NCKAP5: variants seen among roughly 807,000 people sequenced by gnomAD.
NCKAP5 encodes nck-associated protein 5.
Under a neutral mutation model 167.0 loss-of-function variants are expected in NCKAP5, and 92 were observed. The observed-to-expected ratio is 0.55, with a 90% CI of 0.47 to 0.66. The LOEUF (loss-of-function observed/expected upper bound fraction) is 0.66, where lower values mean the gene tolerates loss of function less well. Among genes scored for constraint, NCKAP5 ranks in the 30% least tolerant of loss-of-function variants. NCKAP5 has a pLI of 0.00. For synonymous variants in NCKAP5, 891 were observed against 877.4 expected, an observed-to-expected ratio of 1.02 and a Z score of -0.27; for missense variants, 2,378 against 2,315.0, an observed-to-expected ratio of 1.03 and a Z score of -0.56.
At chr2:133,453,539 A>C (rs562951489) in intron 3 of NCKAP5, among the ~76,000 whole-genome samples, 2 of 152,138 alleles carry the variant, frequency 1.3e-5, no homozygotes, top group Admixed American at 6.6e-5. Context: ...GGCAAAAAAA[A>C]GGAAAGAGAA....
At chr2:133,046,140 G>T (rs2079392476) in intron 6 of NCKAP5, among the ~76,000 whole-genome samples, 1 of 152,034 alleles carries the variant, frequency 6.6e-6, no homozygotes, top group Non-Finnish European at 1.5e-5. Context: ...AATATTTTTG[G>T]ACCATGGTTG....
chr2:132,812,695 G>C (rs1450550446), intron 11 of NCKAP5, among the ~76,000 whole-genome samples: 4 of 152,178 alleles, frequency 2.6e-5, no homozygotes, highest in Admixed American at 6.5e-5. Flanking sequence ...ACTCAGGAGA[G>C]GGGGGCTGTC....
chr2:133,364,809 C>T (rs962002318), intron 3 of NCKAP5, among the ~76,000 whole-genome samples: 1 of 151,558 alleles, frequency 6.6e-6, no homozygotes, highest in Non-Finnish European at 1.5e-5. Flanking sequence ...GGCTGGAGTG[C>T]TGTAGCGCCA....
chr2:132,785,154 T>C lies in NCKAP5; in HGVS notation c.1657A>G (p.Ser553Gly). 6.2e-7 allele frequency: 1 copy of C among 1,606,372 alleles called. No homozygotes were observed. Among genetic ancestry groups the C allele is most frequent in the Admixed American group, 1.7e-5 (1 of 58,214 alleles). The change falls in exon 14 of 20, where the codon AGT (serine) becomes GGT (glycine). Residue 553 changes from serine (S) to glycine (G), a missense_variant. Physicochemically the swap from Ser to Gly is moderately conservative, Grantham distance 56 (BLOSUM62 0). This residue lies in a region of NCKAP5 where 1,049 missense variants were observed against 1,023.4 expected (regional missense o/e 1.02). Transcript: ENST00000409261. ...CTCTGTACCTGAGGCGTCTGCACACTTGGGCACAGCTTCATCTCTAAGGGA... is the reference window on the plus strand; with the variant it reads ...CTCTGTACCTGAGGCGTCTGCACACCTGGGCACAGCTTCATCTCTAAGGGA... ...SCPLEMKLCPSVQTPQVQRER... is the reference protein window; with the variant it reads ...SCPLEMKLCPGVQTPQVQRER...
At chr2:133,055,573 C>A (rs1397193810) in intron 6 of NCKAP5, among the ~76,000 whole-genome samples, 1 of 151,260 alleles carries the variant, frequency 6.6e-6, no homozygotes, top group East Asian at 1.9e-4. Flanking sequence ...ATATAGATTT[C>A]AACAAAAATT....
intron 3 of NCKAP5, among the ~76,000 whole-genome samples, chr2:133,410,774 G>A (rs1688725338): frequency 6.6e-6 from 1 of 152,188 alleles, no homozygotes; most frequent in African/African-American, 2.4e-5. Context: ...TAAAACCACT[G>A]ATGTAGATAA....
chr2:133,256,020 T>A (rs1162424452), intron 4 of NCKAP5, among the ~76,000 whole-genome samples: 1 of 152,180 alleles, frequency 6.6e-6, no homozygotes, highest in Non-Finnish European at 1.5e-5. Context: ...TCGTGCTTCC[T>A]ATTTCAAAGT....
chr2:133,453,884 AG>A (rs112818334), intron 3 of NCKAP5, among the ~76,000 whole-genome samples: 3,519 of 152,202 alleles, frequency 0.023, 128 homozygotes, highest in African/African-American at 0.079. Flanking sequence ...AAAGAATTAC[AG>A]GAGAAAGAGT....
chr2:133,308,127 C>T (rs1332798729), intron 3 of NCKAP5, among the ~76,000 whole-genome samples: 1 of 120,118 alleles, frequency 8.3e-6, no homozygotes, highest in Non-Finnish European at 1.6e-5. Context: ...CTCGCTCTGT[C>T]GCCCAGGCTG....
chr2:133,590,317 C>A, the NCKAP5 span, among the ~76,000 whole-genome samples: 11 of 74,940 alleles, frequency 1.5e-4, no homozygotes. Context: ...AGTGAAACCC[C>A]ATCAAGAGAT....
chr2:133,257,417 G>A (rs2088671195), intron 4 of NCKAP5, among the ~76,000 whole-genome samples: 1 of 152,092 alleles, frequency 6.6e-6, no homozygotes, highest in Non-Finnish European at 1.5e-5. Flanking sequence ...CAAATACAGA[G>A]AACAAATGAG....
chr2:133,294,572 T>G (rs1056720540), intron 4 of NCKAP5, among the ~76,000 whole-genome samples: 5 of 152,322 alleles, frequency 3.3e-5, no homozygotes, highest in Admixed American at 3.3e-4. Context: ...CTCTCTCAAT[T>G]TAGAGCTGGA....
intron 6 of NCKAP5, among the ~76,000 whole-genome samples, chr2:133,096,336 C>A (rs753689754): frequency 6.6e-6 from 1 of 151,886 alleles, no homozygotes; most frequent in Non-Finnish European, 1.5e-5. Flanking sequence ...AGTAAAAATA[C>A]AAGAATTAGA....
At chr2:133,568,005 A>G (rs568651708) in intron 1 of NCKAP5, among the ~76,000 whole-genome samples, 12 of 152,268 alleles carry the variant, frequency 7.9e-5, no homozygotes, top group African/African-American at 2.9e-4. Flanking sequence ...GCATCCTGGT[A>G]TTTGTTCTCA....
intron 3 of NCKAP5, among the ~76,000 whole-genome samples, chr2:133,338,951 T>C (rs1025329664): frequency 6.6e-6 from 1 of 152,050 alleles, no homozygotes; most frequent in African/African-American, 2.4e-5. Flanking sequence ...ACCTGGGAGG[T>C]TGAGGCTGCA....
intron 4 of NCKAP5, among the ~76,000 whole-genome samples, chr2:133,293,732 G>T (rs1465176769): frequency 6.6e-6 from 1 of 152,134 alleles, no homozygotes; most frequent in Non-Finnish European, 1.5e-5. Flanking sequence ...GAGAGCCCTG[G>T]TTTCATCTCC....
chr2:132,754,212 T>C (rs1041775206), intron 16 of NCKAP5, among the ~76,000 whole-genome samples: 1 of 152,140 alleles, frequency 6.6e-6, no homozygotes, highest in African/African-American at 2.4e-5. Context: ...TATTGGCTGG[T>C]TTCTCTTCTC....
chr2:133,003,339 C>A (rs991000456), intron 6 of NCKAP5, among the ~76,000 whole-genome samples: 3 of 152,310 alleles, frequency 2.0e-5, no homozygotes, highest in Admixed American at 2.0e-4. Context: ...AATTGCAATG[C>A]AAAGCTTCCC....
intron 16 of NCKAP5, among the ~76,000 whole-genome samples, chr2:132,762,017 AT>A (rs1681052078): frequency 6.6e-6 from 1 of 152,182 alleles, no homozygotes; most frequent in African/African-American, 2.4e-5. Context: ...TTGGGGGGTT[AT>A]TTAACTTTAT....
Sources: allele counts gnomAD v4.1 joint callset (sites outside exome capture counted in the v4.1 genomes callset), GRCh38; gene constraint gnomAD v4.1.1; regional missense constraint gnomAD v4.1.1; transcripts MANE v1.5; gene names NCBI Gene and HGNC (gene_info 2026-07-23, HGNC 2026-07-21).